The following CSF1R variants were observed in gnomAD, a reference collection of about 807,000 sequenced individuals.
CSF1R encodes macrophage colony-stimulating factor 1 receptor.
Under a neutral mutation model 110.0 loss-of-function variants are expected in CSF1R, and 40 were observed. That is an observed-to-expected ratio of 0.36 (90% CI 0.28 to 0.47). The LOEUF is 0.47. Ranked by LOEUF, CSF1R falls within the 20% of genes least tolerant of loss-of-function variation. CSF1R has a pLI of 0.99. For missense variants in CSF1R, 1,052 were observed against 1,253.0 expected (o/e 0.84, Z 2.42); for synonymous variants, 523 against 503.4 (o/e 1.04, Z -0.52).
At position 150,070,038 on chromosome 5, in the gene CSF1R, C is replaced by G. The variant is rs747178356; in HGVS notation, c.1345G>C (p.Val449Leu). ...ACCTCAGGGTATGGGTCATCCCAGA[C>G]CTGCAGCACTTGGGCCTCATCACAC... ...DRCDEAQVLQ[V>L]WDDPYPEVLS... Residue 449 changes from valine (V) to leucine (L), a missense_variant, in exon 9 of 21, where the codon GTC becomes CTC. Around this residue, in one of 5 missense-constraint regions of CSF1R, gnomAD observed 693 missense variants for 735.4 expected, o/e 0.94. Coordinates refer to ENST00000675795, the MANE Select transcript of CSF1R (RefSeq NM_001288705.3). 5.0e-6 allele frequency: 8 copies of G among 1,613,938 alleles called. No individual in the cohort carries two copies. In the Admixed American group the frequency reaches 1.3e-4, roughly 27 times the overall value.
upstream of CSF1R, among the ~76,000 whole-genome samples, chr5:150,089,951 G>A (rs752005478): frequency 6.6e-6 from 1 of 152,082 alleles, no homozygotes; most frequent in Non-Finnish European, 1.5e-5. Flanking sequence ...TTCAACATAG[G>A]TGCTAAAAGA....
chr5:150,059,752 C>G lies in CSF1R; in HGVS notation c.2080G>C (p.Glu694Gln), dbSNP rs545858226. Residue 694 changes from glutamate (E) to glutamine (Q), a missense_variant, in exon 14 of 21, where the codon GAG becomes CAG. Around this residue, in one of 5 missense-constraint regions of CSF1R, gnomAD observed 124 missense variants for 117.7 expected, o/e 1.05. Transcript: ENST00000675795. ...ATGTTCTTATAGTCGACGCCTCCCT[C>G]GGGGTCCTGGCCGGGGCTCAGGCTG... Reference protein sequence around the residue: ...GPSLSPGQDPEGGVDYKNIHL... With the variant: ...GPSLSPGQDPQGGVDYKNIHL... 2 of 1,614,220 alleles carry G rather than the reference C, an allele frequency of 1.2e-6. No individual in the cohort carries two copies. Among genetic ancestry groups the G allele is most frequent in the Admixed American group, 3.3e-5 (2 of 60,032 alleles).
At position 150,057,297 on chromosome 5, in the gene CSF1R, G is replaced by A. The variant is rs1428742653; in HGVS notation, c.2309C>T (p.Ala770Val). 47 of 1,613,040 alleles carry A rather than the reference G, an allele frequency of 2.9e-5. No individual in the cohort carries two copies. Among genetic ancestry groups the A allele is most frequent in the Middle Eastern group, 1.9e-4 (1 of 5,388 alleles). ...SQVAQGMAFLASKNCIHRDVA... is the reference protein window; with the variant it reads ...SQVAQGMAFLVSKNCIHRDVA... Reference sequence around the variant, plus strand: ...CAGGTTCCTACTCACATTCTTGGAAGCGAGGAAGGCCATGCCCTGGGCTAC... The same window carrying A: ...CAGGTTCCTACTCACATTCTTGGAAACGAGGAAGGCCATGCCCTGGGCTAC... The change falls in exon 16 of 21, where the codon GCT becomes GTT. Residue 770 changes from alanine (A) to valine (V), a missense_variant. Transcript: ENST00000675795.
intron 9 of CSF1R, 49 bp from the exon 10 acceptor site, chr5:150,068,379 C>A: frequency 2.8e-6 from 4 of 1,404,462 alleles, no homozygotes; most frequent in Non-Finnish European, 4.0e-6. Context: ...GCCTCCGAGC[C>A]CCCTGAGGTC....
At chr5:150,102,605 G>A (rs898496804) in intron 1 of CSF1R, among the ~76,000 whole-genome samples, 12 of 152,026 alleles carry the variant, frequency 7.9e-5, no homozygotes, top group African/African-American at 2.2e-4. Flanking sequence ...TCAGCCTCCC[G>A]AGTAGCTGGG....
At chr5:150,070,156 G>A (rs371308172) in intron 8 of CSF1R, 26 bp downstream of exon 8, 9 of 1,611,684 alleles carry the variant, frequency 5.6e-6, no homozygotes, top group Admixed American at 3.3e-5. Flanking sequence ...GAGCCCAGGT[G>A]AGGGAGGTGA....
At chr5:150,077,937 G>A (rs2113826164) in intron 4 of CSF1R, among the ~76,000 whole-genome samples, 175 bp downstream of exon 4, 1 of 148,360 alleles carries the variant, frequency 6.7e-6, no homozygotes, top group South Asian at 2.2e-4. Context: ...CTGATTCTGT[G>A]TCAGCTACTG....
At chr5:150,087,272 T>A (rs1758879122), upstream of CSF1R, among the ~76,000 whole-genome samples, 1 of 152,228 alleles carries the variant, frequency 6.6e-6, no homozygotes, top group Non-Finnish European at 1.5e-5. Flanking sequence ...GAAACGGAGT[T>A]TGTTTTCTTC....
intron 10 of CSF1R, among the ~76,000 whole-genome samples, chr5:150,064,646 CTG>C (rs1171692593): frequency 1.3e-5 from 2 of 152,200 alleles, no homozygotes; most frequent in Non-Finnish European, 2.9e-5. Flanking sequence ...GTGGCTAAGA[CTG>C]TTTTTTCTTA....
At chr5:150,099,051 A>T (rs1444319590) in intron 1 of CSF1R, among the ~76,000 whole-genome samples, 4 of 144,882 alleles carry the variant, frequency 2.8e-5, no homozygotes, top group Non-Finnish European at 6.0e-5. Flanking sequence ...CCGCCACCAC[A>T]CCCAGCTAAT....
intron 18 of CSF1R, among the ~76,000 whole-genome samples, chr5:150,055,702 C>T (rs886540372): frequency 6.6e-6 from 1 of 152,236 alleles, no homozygotes; most frequent in South Asian, 2.1e-4. Context: ...GCAGTTCTTT[C>T]TACTAGAGCC....
intron 1 of CSF1R, among the ~76,000 whole-genome samples, chr5:150,107,815 G>C (rs562467947): frequency 1.1e-3 from 170 of 152,346 alleles, no homozygotes; most frequent in African/African-American, 3.9e-3. Context: ...AGGGGCTATT[G>C]ACTCAGATCC....
At chr5:150,093,241 G>A (rs2113854643) in intron 1 of CSF1R, among the ~76,000 whole-genome samples, 1 of 152,202 alleles carries the variant, frequency 6.6e-6, no homozygotes, top group Admixed American at 6.5e-5. Context: ...ACCGTGTCTG[G>A]CTAATTTTTG....
upstream of CSF1R, among the ~76,000 whole-genome samples, chr5:150,088,614 A>T (rs146870772): frequency 0.015 from 2,234 of 151,880 alleles, 167 homozygotes; most frequent in Admixed American, 0.13. Context: ...GCTCACTGCA[A>T]CCTCTGCCTC....
intron 1 of CSF1R, among the ~76,000 whole-genome samples, chr5:150,113,010 A>G (rs1759773474): frequency 6.6e-6 from 1 of 152,180 alleles, no homozygotes; most frequent in Admixed American, 6.5e-5. Flanking sequence ...TGAGCCAAGT[A>G]CAGGACTCTG....
intron 10 of CSF1R, among the ~76,000 whole-genome samples, chr5:150,064,325 C>G (rs568380437): frequency 4.6e-5 from 7 of 152,300 alleles, no homozygotes; most frequent in Non-Finnish European, 1.0e-4. Context: ...AAGAGAGAGA[C>G]AGGGAGAAAG....
rs1757537389 is a variant in CSF1R at position 150,061,704 on chromosome 5, T to C, written c.1753+19A>G. The stretch of plus-strand genomic sequence containing the variant: ...GGCCCTGTGATAGGAAGCTGTGGAG[T>C]GATGAGCTGCCATCTCACCAAACTG... On this transcript the variant is annotated intron_variant, in intron 11 of 20. Transcript: ENST00000675795. 1.2e-6 allele frequency: 2 copies of C among 1,613,570 alleles called. No homozygotes were observed. The highest frequency in any genetic ancestry group is 4.5e-5 in the East Asian group (2 of 44,874).
intron 1 of CSF1R, chr5:150,094,516 C>T (rs181470950): frequency 2.5e-6 from 4 of 1,599,474 alleles, no homozygotes; most frequent in South Asian, 2.2e-5. Context: ...ATTCGAATGG[C>T]GAGGATGGCA....
intron 1 of CSF1R, among the ~76,000 whole-genome samples, chr5:150,085,292 AACCCAAAT>A: frequency 7.3e-6 from 1 of 136,164 alleles, no homozygotes; most frequent in Admixed American, 7.4e-5. Context: ...AAAAAAAAAA[AACCCAAAT>A]ACTCAAGCTC....
Sources: allele counts gnomAD v4.1 joint callset (sites outside exome capture counted in the v4.1 genomes callset), GRCh38; gene constraint gnomAD v4.1.1; regional missense constraint gnomAD v4.1.1; transcripts MANE v1.5; gene names NCBI Gene and HGNC (gene_info 2026-07-23, HGNC 2026-07-21).